DNHD1: variants seen among roughly 807,000 people sequenced by gnomAD.
DNHD1 encodes dynein heavy chain domain 1.
DNHD1 carries 383 observed loss-of-function variants against 458.1 expected under a neutral mutation model. The observed-to-expected ratio is 0.84, with a 90% CI of 0.77 to 0.91. The LOEUF is 0.91. Among genes scored for constraint, DNHD1 ranks in the 40% least tolerant of loss-of-function variants. The pLI is 0.00. For synonymous variants in DNHD1, 2,203 were observed against 2,376.9 expected, an observed-to-expected ratio of 0.93 and a Z score of 2.13; for missense variants, 5,336 against 5,866.1, an observed-to-expected ratio of 0.91 and a Z score of 2.95.
chr11:6,538,375 C>T lies in DNHD1; in HGVS notation c.2999-8C>T. 2 of 1,551,718 alleles carry T rather than the reference C, an allele frequency of 1.3e-6. No individual in the cohort carries two copies. The highest frequency in any genetic ancestry group is 1.7e-6 in the Non-Finnish European group (2 of 1,146,982). ...TAGCCCAGGTCTCAAGTCAGCCCTC[C>T]CCCACAGAGGATGAGACTCCTGTGC... On this transcript the variant is annotated splice_region_variant and splice_polypyrimidine_tract_variant and intron_variant, in intron 14 of 42. Coordinates refer to ENST00000254579, the MANE Select transcript of DNHD1 (RefSeq NM_144666.3).
chr11:6,498,387 C>T lies in DNHD1; in HGVS notation c.172C>T (p.Leu58=). The change falls in exon 3 of 43, where the codon CTG becomes TTG. Residue 58 remains leucine, a synonymous_variant. Coordinates refer to ENST00000254579, the MANE Select transcript of DNHD1 (RefSeq NM_144666.3). ...PVTESEQPTV[L]ELLLAELRTL... is the part of the protein sequence containing the mutation. ...GACTGAGTCAGAGCAGCCCACAGTG[C>T]TGGAACTCCTGCTAGCTGAGCTCCG... The T allele has an allele frequency of 6.2e-7, 1 of 1,614,214 alleles. No individual in the cohort carries two copies. The highest frequency in any genetic ancestry group is 1.1e-5 in the South Asian group (1 of 91,090).
intron 36 of DNHD1, 35 bp from the exon 37 acceptor site, chr11:6,568,021 T>G (rs1220622974): frequency 6.5e-7 from 1 of 1,532,786 alleles, no homozygotes; most frequent in Non-Finnish European, 8.8e-7. Flanking sequence ...TAGGATCACT[T>G]TGAGTCATGC....
At chr11:6,534,497 G>C (rs978134060) in intron 14 of DNHD1, among the ~76,000 whole-genome samples, 1 of 152,152 alleles carries the variant, frequency 6.6e-6, no homozygotes, top group Non-Finnish European at 1.5e-5. Context: ...ATAGAACGTA[G>C]CCTTTTTGTA....
At chr11:6,512,211 C>CTTTTTTTTTTTTTTTTTTTT (rs11287049) in intron 7 of DNHD1, among the ~76,000 whole-genome samples, 1 of 91,630 alleles carries the variant, frequency 1.1e-5, no homozygotes, top group African/African-American at 4.7e-5. Flanking sequence ...CTTTTTCTTT[C>CTTTTTTTTTTTTTTTTTTTT]TTTTTTTTTT....
Position 6,545,953 on chromosome 11 carries a change from G to T in DNHD1, c.5014G>T (p.Val1672Leu), listed in dbSNP as rs868568962. ...PSLLPERPAL[V>L]LLLALEEVAC... ...CCTACTGCCTGAACGGCCAGCCCTG[G>T]TACTATTATTGGCCCTAGAGGAGGT... Residue 1672 changes from valine to leucine, a missense_variant, in exon 21 of 43, where the codon GTA becomes TTA. By Grantham distance (32) the Val-to-Leu change is conservative. Around this residue, in one of 4 missense-constraint regions of DNHD1, gnomAD observed 3,932 missense variants for 4,365.6 expected, o/e 0.90. Coordinates refer to ENST00000254579, the MANE Select transcript of DNHD1 (RefSeq NM_144666.3). The surrounding 1 kb of genome is among the most constrained non-coding windows in gnomAD (Gnocchi z 4.9). The T allele has an allele frequency of 6.4e-7, 1 of 1,551,782 alleles. No homozygotes were observed. The highest frequency in any genetic ancestry group is 8.7e-7 in the Non-Finnish European group (1 of 1,147,008).
At position 6,539,897 on chromosome 11, in the gene DNHD1, C is replaced by T. The variant is rs202125606; in HGVS notation, c.3442C>T (p.Arg1148Ter). 9 of 1,551,628 alleles carry T rather than the reference C, an allele frequency of 5.8e-6. No individual in the cohort carries two copies. Among genetic ancestry groups the T allele is most frequent in the East Asian group, 2.4e-5 (1 of 40,928 alleles). The change falls in exon 18 of 43, where the codon CGA becomes TGA. Residue 1148 changes from arginine to a stop codon, truncating the protein, a stop_gained. Coordinates refer to ENST00000254579, the MANE Select transcript of DNHD1 (RefSeq NM_144666.3). LOFTEE classifies it high-confidence loss of function. ...INQVWQNENE[R>*]IHAQETIRRL... Reference sequence around the variant, plus strand: ...CCAGGTCTGGCAGAATGAAAATGAACGAATTCATGCCCAAGAGACTATACG... The same window carrying T: ...CCAGGTCTGGCAGAATGAAAATGAATGAATTCATGCCCAAGAGACTATACG...
At chr11:6,513,282 T>A (rs1228189537) in intron 7 of DNHD1, among the ~76,000 whole-genome samples, 1 of 152,168 alleles carries the variant, frequency 6.6e-6, no homozygotes, top group African/African-American at 2.4e-5. Flanking sequence ...TTTTTTGCAT[T>A]TGTATTTGTA....
In DNHD1 at chr11:6,558,542, G is replaced by T. The variant is rs755127184; in HGVS notation, c.9060G>T (p.Gln3020His). The T allele has an allele frequency of 7.5e-5, 116 of 1,551,610 alleles. No homozygotes were observed. Among genetic ancestry groups the T allele is most frequent in the Non-Finnish European group, 9.9e-5 (113 of 1,147,008 alleles). Residue 3020 changes from glutamine to histidine, a missense_variant, in exon 26 of 43, where the codon CAG becomes CAT. Coordinates refer to ENST00000254579, the MANE Select transcript of DNHD1 (RefSeq NM_144666.3). ...LHLFFLIGDK[Q>H]AHKQLPSTLF... ...TGTTCTTCCTGATTGGAGATAAACA[G>T]GCCCACAAGCAGCTGCCCTCCACCC...
At chr11:6,542,468 C>G (rs181972628) in intron 18 of DNHD1, among the ~76,000 whole-genome samples, 34 of 152,364 alleles carry the variant, frequency 2.2e-4, no homozygotes, top group African/African-American at 7.7e-4. Flanking sequence ...CCTTCCTCCA[C>G]CTTTGCTCCT....
At chr11:6,539,376 T>C (rs1206494002) in intron 17 of DNHD1, 63 bp downstream of exon 17, 3 of 1,250,518 alleles carry the variant, frequency 2.4e-6, no homozygotes, top group Admixed American at 2.0e-5. Flanking sequence ...ATAAAGCCAG[T>C]CAAGGGTGGT....
rs868158375 is a variant in DNHD1, at chr11:6,546,001, C to A, written c.5062C>A (p.Pro1688Thr). The A allele has an allele frequency of 3.9e-6, 6 of 1,551,626 alleles. No homozygotes were observed. The Admixed American group carries it at 1.2e-4, about 30-fold the overall frequency. ...GGTGGCCTGTGGGACCGTACTGGGT[C>A]CTAATGGTGTGGGCAAGAGAGCTAT... is the stretch of plus-strand genomic sequence containing the variant. ...EEVACGTVLG[P>T]NGVGKRAIVN... The change falls in exon 21 of 43, where the codon CCT becomes ACT. Residue 1688 changes from proline (P) to threonine (T), a missense_variant. Coordinates refer to ENST00000254579, the MANE Select transcript of DNHD1 (RefSeq NM_144666.3).
intron 14 of DNHD1, among the ~76,000 whole-genome samples, chr11:6,537,544 A>G (rs1015818585): frequency 4.8e-5 from 6 of 124,310 alleles, no homozygotes; most frequent in Non-Finnish European, 5.7e-5. Context: ...AGTGATAGAG[A>G]AAAAAAAAAA....
In DNHD1 at chr11:6,548,176, TC is replaced by T; in HGVS notation, c.6906-33del. The T allele has an allele frequency of 1.3e-5, 20 of 1,549,444 alleles. No individual in the cohort carries two copies. The highest frequency in any genetic ancestry group is 1.7e-5 in the Non-Finnish European group (20 of 1,145,108). On this transcript the variant is annotated intron_variant, in intron 22 of 42. Coordinates refer to ENST00000254579, the MANE Select transcript of DNHD1 (RefSeq NM_144666.3). The surrounding 1 kb of genome is among the most constrained non-coding windows in gnomAD (Gnocchi z 4.4). ...GTCATAAATGGAAGTGTTGTAACTG[TC>T]TGACGCTTTTGCCTGTGTGTCCATC...
At chr11:6,520,780 A>G in intron 10 of DNHD1, 15 of 994,604 alleles carry the variant, frequency 1.5e-5, no homozygotes, top group Non-Finnish European at 1.8e-5. Context: ...CACACTTATT[A>G]ACCATCAGCG....
At position 6,508,967 on chromosome 11, in the gene DNHD1, T is replaced by C. The variant is rs750084260; in HGVS notation, c.1008T>C (p.Pro336=). The C allele has an allele frequency of 8.7e-6, 14 of 1,614,096 alleles. No homozygotes were observed. The highest frequency in any genetic ancestry group is 1.0e-5 in the Non-Finnish European group (12 of 1,180,040). Residue 336 remains proline, a synonymous_variant, in exon 5 of 43, where the codon CCT becomes CCC. Transcript: ENST00000254579. Reference sequence around the variant, plus strand: ...CCTTTGGGATCTTGCATGTACATCCTGTGGAAGGTAGCGAGACGATGACAC... The same window carrying C: ...CCTTTGGGATCTTGCATGTACATCCCGTGGAAGGTAGCGAGACGATGACAC... ...FSPFGILHVH[P]VEGSETMTLG...
chr11:6,520,000 G>A lies in DNHD1; in HGVS notation c.1683G>A (p.Leu561=). ...AGAAACCCTTTCTCTCATCACAGCT[G>A]GTCTTTGATGATCATGGTCAACTGT... The part of the protein sequence containing the change: ...PRQKPFLSSQ[L]VFDDHGQLSH... The change falls in exon 9 of 43, where the codon CTG becomes CTA. Residue 561 remains leucine, a synonymous_variant. Transcript: ENST00000254579. The A allele has an allele frequency of 6.2e-7, 1 of 1,614,138 alleles. No homozygotes were observed. Among genetic ancestry groups the A allele is most frequent in the Non-Finnish European group, 8.5e-7 (1 of 1,180,028 alleles).
chr11:6,502,576 T>C (rs920990783), intron 3 of DNHD1, among the ~76,000 whole-genome samples, 177 bp from the exon 4 acceptor site: 1 of 152,212 alleles, frequency 6.6e-6, no homozygotes, highest in African/African-American at 2.4e-5. Context: ...TACGCTATAT[T>C]TGCCCAGTAT....
intron 24 of DNHD1, among the ~76,000 whole-genome samples, chr11:6,553,339 T>C (rs1564818817): frequency 6.6e-6 from 1 of 152,202 alleles, no homozygotes; most frequent in African/African-American, 2.4e-5. Flanking sequence ...GAATAGAAGA[T>C]AACTTTCTCA....
chr11:6,551,081 G>C (rs189139260), intron 24 of DNHD1, among the ~76,000 whole-genome samples: 179 of 152,228 alleles, frequency 1.2e-3, no homozygotes, highest in Admixed American at 2.4e-3. Flanking sequence ...CATTCACCAA[G>C]ATAGACCATA....
Sources: allele counts gnomAD v4.1 joint callset (sites outside exome capture counted in the v4.1 genomes callset), GRCh38; gene constraint gnomAD v4.1.1; regional missense constraint gnomAD v4.1.1; non-coding constraint Gnocchi (gnomAD v3.1); transcripts MANE v1.5; gene names NCBI Gene and HGNC (gene_info 2026-07-23, HGNC 2026-07-21).